Variants in RYR3 observed in about 807,000 individuals in gnomAD.
RYR3 encodes the protein brain ryanodine receptor-calcium release channel.
RYR3 carries 207 observed loss-of-function variants against 584.3 expected under a neutral mutation model. The observed-to-expected ratio is 0.35, with a 90% confidence interval of 0.32 to 0.40. The LOEUF (loss-of-function observed/expected upper bound fraction) is 0.40, where lower values mean the gene tolerates loss of function less well. Ranked by LOEUF, RYR3 falls within the 10% of genes least tolerant of loss-of-function variation. The pLI, the probability that RYR3 is intolerant of heterozygous loss-of-function variation, is 1.00. For synonymous variants in RYR3, 2,416 were observed against 2,248.5 expected, an observed-to-expected ratio of 1.07 and a Z score of -2.11; for missense variants, 5,616 against 6,089.2, an observed-to-expected ratio of 0.92 and a Z score of 2.59.
chr15:33,600,298 G>A (rs1329041887), intron 16 of RYR3, among the ~76,000 whole-genome samples: 1 of 152,048 alleles, frequency 6.6e-6, no homozygotes, highest in Non-Finnish European at 1.5e-5. Flanking sequence ...ACTAAGCATT[G>A]AGTCTTCAGT....
At chr15:33,614,077 TTAGAATC>T (rs1245855159) in intron 19 of RYR3, among the ~76,000 whole-genome samples, 3 of 152,332 alleles carry the variant, frequency 2.0e-5, no homozygotes, top group Non-Finnish European at 4.4e-5. Flanking sequence ...ATCAATAACT[TTAGAATC>T]TAAAAAGCTC....
intron 57 of RYR3, among the ~76,000 whole-genome samples, chr15:33,752,011 G>C (rs1046320102): frequency 2.0e-5 from 3 of 152,062 alleles, no homozygotes; most frequent in South Asian, 2.1e-4. Context: ...GCTTGTTTTT[G>C]TCAGGTTTGT....
chr15:33,831,789 T>C (rs1288501035), intron 86 of RYR3, among the ~76,000 whole-genome samples: 1 of 151,654 alleles, frequency 6.6e-6, no homozygotes, highest in Non-Finnish European at 1.5e-5. Context: ...GATACAAGAT[T>C]TTTTTTTAAA....
chr15:33,369,897 T>G (rs376847343), intron 1 of RYR3, among the ~76,000 whole-genome samples: 1 of 152,246 alleles, frequency 6.6e-6, no homozygotes. Flanking sequence ...CCATGGACTT[T>G]AAGGCTTAGA....
chr15:33,603,385 T>G, intron 18 of RYR3, 21 bp downstream of exon 18: 1 of 1,525,032 alleles, frequency 6.6e-7, no homozygotes. Flanking sequence ...TGCTAAAGCT[T>G]TGGCTCATAA....
At chr15:33,377,712 C>A (rs1217114072) in intron 1 of RYR3, among the ~76,000 whole-genome samples, 1 of 152,228 alleles carries the variant, frequency 6.6e-6, no homozygotes, top group Non-Finnish European at 1.5e-5. Flanking sequence ...AGATTCCTCA[C>A]CTGGAAAATG....
At chr15:33,571,109 A>G (rs2058004469) in intron 12 of RYR3, among the ~76,000 whole-genome samples, 1 of 151,116 alleles carries the variant, frequency 6.6e-6, no homozygotes, top group African/African-American at 2.4e-5. Context: ...ACAATGTGGA[A>G]TAAAAGTGAT....
intron 47 of RYR3, among the ~76,000 whole-genome samples, chr15:33,730,892 C>G (rs1427235873): frequency 1.3e-5 from 2 of 152,234 alleles, no homozygotes; most frequent in Non-Finnish European, 2.9e-5. Context: ...GTGGGGTCTA[C>G]TCTAATGTCA....
intron 52 of RYR3, among the ~76,000 whole-genome samples, chr15:33,744,266 G>A (rs1406104832): frequency 6.6e-6 from 1 of 152,100 alleles, no homozygotes; most frequent in Non-Finnish European, 1.5e-5. Context: ...TACTTTCGTA[G>A]CACGCTTAGG....
At chr15:33,560,185 C>T (rs2057324479) in intron 10 of RYR3, among the ~76,000 whole-genome samples, 2 of 152,124 alleles carry the variant, frequency 1.3e-5, no homozygotes, top group African/African-American at 4.8e-5. Context: ...AAAATCAAGC[C>T]TCTCTATCAC....
chr15:33,724,711 C>A (rs978260700), intron 45 of RYR3, among the ~76,000 whole-genome samples: 3 of 152,128 alleles, frequency 2.0e-5, no homozygotes, highest in Non-Finnish European at 4.4e-5. Context: ...TTTTTCACCT[C>A]TACTGAGGGC....
intron 80 of RYR3, among the ~76,000 whole-genome samples, chr15:33,822,364 G>T (rs1297179606): frequency 2.6e-5 from 4 of 152,160 alleles, no homozygotes; most frequent in African/African-American, 9.7e-5. Flanking sequence ...GCCTGTGAGA[G>T]TCTCCAGATT....
intron 100 of RYR3, 73 bp from the exon 101 acceptor site, chr15:33,860,522 G>A: frequency 2.3e-6 from 2 of 854,396 alleles, no homozygotes; most frequent in Middle Eastern, 4.5e-4. Flanking sequence ...GAACAAAGTA[G>A]CTTCTTCCTT....
intron 70 of RYR3, 39 bp from the exon 71 acceptor site, chr15:33,810,440 A>G: frequency 6.2e-7 from 1 of 1,608,756 alleles, no homozygotes; most frequent in East Asian, 2.2e-5. Flanking sequence ...TGGGAGAATC[A>G]CTGAACCCCT....
chr15:33,809,201 T>C (rs575154895), intron 70 of RYR3, among the ~76,000 whole-genome samples: 32 of 152,362 alleles, frequency 2.1e-4, no homozygotes, highest in African/African-American at 7.7e-4. Flanking sequence ...GACCAGATCT[T>C]GCGTGCCACT....
chr15:33,323,070 T>A (rs1969198788), intron 1 of RYR3, among the ~76,000 whole-genome samples: 2 of 151,496 alleles, frequency 1.3e-5, no homozygotes, highest in Non-Finnish European at 2.9e-5. Flanking sequence ...ACCAGGCATA[T>A]TTTCTCTTCC....
At position 33,807,786 on chromosome 15, in the gene RYR3, C is replaced by T. The variant is rs535020646; in HGVS notation, c.10026+217C>T. On this transcript the variant is annotated intron_variant, in intron 70 of 103. Transcript: ENST00000634891. ...GGGAAGCCGGGGAAGCCAGCCAAGCCTCACCCTAACCGAGGTCTCCTTGCT... is the reference window on the plus strand; with the variant it reads ...GGGAAGCCGGGGAAGCCAGCCAAGCTTCACCCTAACCGAGGTCTCCTTGCT... 12 of 590,856 alleles carry T rather than the reference C, an allele frequency of 2.0e-5. No individual in the cohort carries two copies. The East Asian group carries it at 3.1e-4, about 15-fold the overall frequency. The allele number at this position is 590,856 out of a possible 1,614,324, so 36.6% of individuals were successfully genotyped here. A position where few individuals can be genotyped will look rare whatever the true frequency, so the allele number is the denominator to read the frequency against.
chr15:33,746,484 G>T (rs889834317), intron 53 of RYR3, among the ~76,000 whole-genome samples: 1 of 152,164 alleles, frequency 6.6e-6, no homozygotes, highest in Non-Finnish European at 1.5e-5. Context: ...CAGGGAGAAG[G>T]CACGGTGAAA....
At chr15:33,616,274 C>G (rs1367566087) in intron 19 of RYR3, among the ~76,000 whole-genome samples, 2 of 152,212 alleles carry the variant, frequency 1.3e-5, no homozygotes, top group Non-Finnish European at 2.9e-5. Flanking sequence ...TACATCTGCT[C>G]TCAAATGTTG....
Sources: allele counts gnomAD v4.1 joint callset (sites outside exome capture counted in the v4.1 genomes callset), GRCh38; gene constraint gnomAD v4.1.1; transcripts MANE v1.5; gene names NCBI Gene and HGNC (gene_info 2026-07-23, HGNC 2026-07-21).